Variants in RIT2 observed in about 807,000 individuals in gnomAD.
RIT2 encodes GTP-binding protein Rit2.
Under a neutral mutation model 23.7 loss-of-function variants are expected in RIT2, and 24 were observed. The observed-to-expected ratio is 1.01, with a 90% CI of 0.73 to 1.43. RIT2 has a LOEUF of 1.43. Among genes scored for constraint, RIT2 ranks in the 40% most tolerant of loss-of-function variants. The pLI, the probability that RIT2 is intolerant of heterozygous loss-of-function variation, is 0.00. For synonymous variants in RIT2, 107 were observed against 91.1 expected, an observed-to-expected ratio of 1.17 and a Z score of -0.99; for missense variants, 236 against 266.9, an observed-to-expected ratio of 0.88 and a Z score of 0.81.
At chr18:43,006,887 C>T (rs1911240796) in intron 2 of RIT2, among the ~76,000 whole-genome samples, 1 of 151,226 alleles carries the variant, frequency 6.6e-6, no homozygotes, top group South Asian at 2.1e-4. Context: ...CAGCCCAGAA[C>T]CACCATTATT....
intron 3 of RIT2, among the ~76,000 whole-genome samples, chr18:42,960,138 C>T (rs1410336799): frequency 6.6e-6 from 1 of 152,152 alleles, no homozygotes; most frequent in Non-Finnish European, 1.5e-5. Flanking sequence ...TCATAAAGGG[C>T]TACTTTTCTC....
At chr18:43,040,292 T>C (rs773084957) in intron 1 of RIT2, among the ~76,000 whole-genome samples, 5 of 152,224 alleles carry the variant, frequency 3.3e-5, no homozygotes, top group Non-Finnish European at 7.3e-5. Context: ...ATAGGTGCCC[T>C]GGCATAAGTA....
At chr18:42,948,702 T>C (rs1393706367) in intron 3 of RIT2, among the ~76,000 whole-genome samples, 5 of 152,106 alleles carry the variant, frequency 3.3e-5, no homozygotes, top group Non-Finnish European at 4.4e-5. Flanking sequence ...AAAAGTTATA[T>C]GATCATCTTA....
intron 2 of RIT2, among the ~76,000 whole-genome samples, chr18:43,030,738 G>T (rs545703914): frequency 6.6e-6 from 1 of 152,160 alleles, no homozygotes; most frequent in African/African-American, 2.4e-5. Flanking sequence ...TTTGTGAGTG[G>T]TTTAATGTAG....
chr18:42,891,411 T>G (rs1908170631), intron 4 of RIT2, among the ~76,000 whole-genome samples: 1 of 152,208 alleles, frequency 6.6e-6, no homozygotes, highest in African/African-American at 2.4e-5. Context: ...GTATCTTATT[T>G]ATATAGAAAA....
intron 3 of RIT2, 60 bp from the exon 4 acceptor site, chr18:42,923,823 G>T: frequency 1.6e-6 from 2 of 1,261,998 alleles, no homozygotes; most frequent in Non-Finnish European, 2.2e-6. Flanking sequence ...TTAATATGAG[G>T]TTTAAATGTA....
chr18:43,069,751 C>T (rs1050893556), intron 1 of RIT2, among the ~76,000 whole-genome samples: 7 of 152,106 alleles, frequency 4.6e-5, no homozygotes, highest in African/African-American at 1.4e-4. Flanking sequence ...CATCTGTGAC[C>T]TTATAACTTA....
intron 2 of RIT2, among the ~76,000 whole-genome samples, chr18:43,013,514 AG>A (rs2144256998): frequency 6.6e-6 from 1 of 151,888 alleles, no homozygotes; most frequent in East Asian, 2.0e-4. Flanking sequence ...AGCTTAGGAA[AG>A]GAAAGTACAA....
chr18:42,885,710 A>G (rs1908004958), intron 4 of RIT2, among the ~76,000 whole-genome samples: 1 of 152,194 alleles, frequency 6.6e-6, no homozygotes, highest in South Asian at 2.1e-4. Flanking sequence ...ATTAGTTTTC[A>G]TATTGTAGGA....
chr18:42,880,387 T>C (rs1485144394), intron 4 of RIT2, among the ~76,000 whole-genome samples: 2 of 152,180 alleles, frequency 1.3e-5, no homozygotes, highest in Non-Finnish European at 2.9e-5. Flanking sequence ...ATCCCCTTAC[T>C]ATTGCTTTAA....
chr18:43,094,114 G>GT (rs796958736), intron 1 of RIT2, among the ~76,000 whole-genome samples: 705 of 62,978 alleles, frequency 0.011, 3 homozygotes, highest in South Asian at 0.016. Context: ...GTATTAGTGG[G>GT]TTTTTTTTGT....
chr18:43,052,977 G>A (rs891732819), intron 1 of RIT2, among the ~76,000 whole-genome samples: 7 of 151,978 alleles, frequency 4.6e-5, no homozygotes, highest in Admixed American at 4.6e-4. Context: ...ATAATTAAAT[G>A]GGGCCCAGAG....
intron 4 of RIT2, among the ~76,000 whole-genome samples, chr18:42,787,349 A>G (rs890291821): frequency 1.4e-4 from 21 of 152,096 alleles, no homozygotes; most frequent in African/African-American, 4.8e-4. Flanking sequence ...TGGGTGCAGC[A>G]CACCAACATG....
At chr18:42,909,784 C>G (rs28582072) in intron 4 of RIT2, among the ~76,000 whole-genome samples, 2 of 149,030 alleles carry the variant, frequency 1.3e-5, no homozygotes, top group African/African-American at 5.0e-5. Flanking sequence ...AAACGCTAAA[C>G]TAAAAAAAAA....
intron 1 of RIT2, among the ~76,000 whole-genome samples, chr18:43,040,296 A>T (rs1182805611): frequency 6.6e-6 from 1 of 152,228 alleles, no homozygotes; most frequent in Non-Finnish European, 1.5e-5. Context: ...GTGCCCTGGC[A>T]TAAGTAGAAT....
intron 4 of RIT2, among the ~76,000 whole-genome samples, chr18:42,907,769 C>A (rs1215505431): frequency 6.6e-6 from 1 of 151,918 alleles, no homozygotes; most frequent in Non-Finnish European, 1.5e-5. Context: ...TTCTTGGAGG[C>A]CAGGGGTTCC....
At chr18:42,951,564 C>A (rs1909852334) in intron 3 of RIT2, among the ~76,000 whole-genome samples, 1 of 151,218 alleles carries the variant, frequency 6.6e-6, no homozygotes, top group Non-Finnish European at 1.5e-5. Context: ...CAAATGTACC[C>A]ACTGAATCTA....
intron 3 of RIT2, among the ~76,000 whole-genome samples, chr18:42,945,252 A>G (rs749736181): frequency 9.9e-5 from 15 of 152,042 alleles, no homozygotes; most frequent in Non-Finnish European, 1.5e-5. Flanking sequence ...CATTCACTTA[A>G]TTAAACTGTT....
At chr18:42,819,464 G>A (rs1473173263) in intron 4 of RIT2, among the ~76,000 whole-genome samples, 1 of 151,904 alleles carries the variant, frequency 6.6e-6, no homozygotes, top group Non-Finnish European at 1.5e-5. Flanking sequence ...TGTTGTTGTT[G>A]TTGTTTTTCC....
Sources: allele counts gnomAD v4.1 joint callset (sites outside exome capture counted in the v4.1 genomes callset), GRCh38; gene constraint gnomAD v4.1.1; transcripts MANE v1.5; gene names NCBI Gene and HGNC (gene_info 2026-07-23, HGNC 2026-07-21).